UNC13C: variants seen among roughly 807,000 people sequenced by gnomAD.
UNC13C encodes the protein protein unc-13 homolog C.
A neutral mutation model predicts 245.4 loss-of-function variants in UNC13C; 174 were observed. The ratio of observed to expected loss-of-function variants is 0.71; its 90% CI spans 0.63 to 0.80. The LOEUF (loss-of-function observed/expected upper bound fraction) is 0.80. UNC13C is among the 30% of genes least tolerant of loss of function. UNC13C has a pLI of 0.00. For synonymous variants in UNC13C, 992 were observed against 895.1 expected, an observed-to-expected ratio of 1.11 and a Z score of -1.93; for missense variants, 2,829 against 2,602.9, an observed-to-expected ratio of 1.09 and a Z score of -1.89.
At chr15:53,840,682 G>A in the UNC13C span, among the ~76,000 whole-genome samples, 1 of 152,112 alleles carries the variant, frequency 6.6e-6, no homozygotes, top group Non-Finnish European at 1.5e-5. Flanking sequence ...AGCATCATGT[G>A]TCCCATTTTG....
chr15:54,545,335 C>T (rs1896436673), intron 26 of UNC13C, among the ~76,000 whole-genome samples: 2 of 152,062 alleles, frequency 1.3e-5, no homozygotes, highest in South Asian at 4.1e-4. Context: ...GACCTAAAAC[C>T]ATAACATCCC....
intron 31 of UNC13C, 49 bp downstream of exon 31, chr15:54,622,468 G>T (rs992157169): frequency 4.5e-6 from 6 of 1,347,744 alleles, no homozygotes; most frequent in Non-Finnish European, 6.4e-6. Context: ...AACTTCTGCA[G>T]CAGTACTGAT....
At chr15:54,024,695 G>C (rs978917289) in intron 2 of UNC13C, among the ~76,000 whole-genome samples, 4 of 152,034 alleles carry the variant, frequency 2.6e-5, no homozygotes, top group African/African-American at 9.7e-5. Flanking sequence ...GAGGCGGGCG[G>C]ATCACGAGGT....
At chr15:54,492,327 C>T (rs1421836659) in intron 19 of UNC13C, among the ~76,000 whole-genome samples, 1 of 151,920 alleles carries the variant, frequency 6.6e-6, no homozygotes, top group East Asian at 1.9e-4. Context: ...AAACAAAATA[C>T]AAATTATTAA....
At chr15:54,344,499 G>A (rs1428068375) in intron 17 of UNC13C, among the ~76,000 whole-genome samples, 3 of 152,120 alleles carry the variant, frequency 2.0e-5, no homozygotes, top group African/African-American at 7.2e-5. Flanking sequence ...TCAATGTAGG[G>A]AATGCTTGGG....
intron 30 of UNC13C, among the ~76,000 whole-genome samples, chr15:54,603,088 G>A (rs748128369): frequency 6.6e-6 from 1 of 152,196 alleles, no homozygotes; most frequent in African/African-American, 2.4e-5. Flanking sequence ...ACTCTTAGCT[G>A]TTTGTGGCAT....
At chr15:53,989,535 A>C (rs888223899) in intron 1 of UNC13C, among the ~76,000 whole-genome samples, 3 of 152,008 alleles carry the variant, frequency 2.0e-5, no homozygotes, top group Non-Finnish European at 4.4e-5. Flanking sequence ...TTCTTTGGCA[A>C]ATGTAGGATA....
At chr15:54,469,175 A>AT (rs998858053) in intron 19 of UNC13C, among the ~76,000 whole-genome samples, 1 of 151,334 alleles carries the variant, frequency 6.6e-6, no homozygotes, top group African/African-American at 2.4e-5. Context: ...CTTCTGTGTT[A>AT]TTTTTTATGT....
intron 4 of UNC13C, among the ~76,000 whole-genome samples, chr15:54,193,325 C>A (rs1340724204): frequency 6.6e-6 from 1 of 152,162 alleles, no homozygotes; most frequent in Non-Finnish European, 1.5e-5. Context: ...TGAATCCCTG[C>A]TCTAAAAAGC....
intron 8 of UNC13C, among the ~76,000 whole-genome samples, chr15:54,257,503 G>A (rs1276245386): frequency 1.3e-5 from 2 of 152,312 alleles, no homozygotes; most frequent in Admixed American, 6.5e-5. Flanking sequence ...GGTACAGGCA[G>A]AAGAGAAAAA....
At chr15:53,991,246 G>A (rs1045490509) in intron 1 of UNC13C, among the ~76,000 whole-genome samples, 3 of 151,996 alleles carry the variant, frequency 2.0e-5, no homozygotes, top group Non-Finnish European at 4.4e-5. Flanking sequence ...AATAGTAGAG[G>A]AGTCTATAAG....
intron 27 of UNC13C, 147 bp from the exon 28 acceptor site, chr15:54,549,488 C>T (rs1896637121): frequency 3.3e-6 from 2 of 614,870 alleles, no homozygotes; most frequent in Admixed American, 6.3e-5. Context: ...TTGACCCAAT[C>T]TTTATAATAG....
chr15:53,873,507 C>T, the UNC13C span, among the ~76,000 whole-genome samples: 1 of 152,176 alleles, frequency 6.6e-6, no homozygotes, highest in Non-Finnish European at 1.5e-5. Context: ...CACAGCCACA[C>T]TGCTTCTTCC....
intron 4 of UNC13C, among the ~76,000 whole-genome samples, chr15:54,190,147 T>A (rs992306520): frequency 1.3e-5 from 2 of 152,110 alleles, no homozygotes; most frequent in Non-Finnish European, 2.9e-5. Context: ...TACAAGTTGG[T>A]TAATACTCTT....
At chr15:54,343,127 C>T (rs528505715) in intron 17 of UNC13C, among the ~76,000 whole-genome samples, 1 of 151,828 alleles carries the variant, frequency 6.6e-6, no homozygotes, top group Admixed American at 6.6e-5. Flanking sequence ...CATGTAATTA[C>T]CCATGCATAA....
intron 8 of UNC13C, among the ~76,000 whole-genome samples, chr15:54,257,737 C>T (rs946583452): frequency 5.9e-5 from 9 of 152,124 alleles, no homozygotes; most frequent in East Asian, 1.9e-4. Context: ...TTGTTGTTTG[C>T]GAAAAATAAG....
At chr15:53,903,826 A>C in the UNC13C span, among the ~76,000 whole-genome samples, 1 of 35,980 alleles carries the variant, frequency 2.8e-5, no homozygotes, top group Non-Finnish European at 5.5e-5. Flanking sequence ...TGACTGAAAA[A>C]ATTTCTGACA....
intron 4 of UNC13C, among the ~76,000 whole-genome samples, chr15:54,167,364 T>C (rs1241047143): frequency 6.7e-6 from 1 of 150,066 alleles, no homozygotes; most frequent in African/African-American, 2.4e-5. Flanking sequence ...TAGCCGGGCG[T>C]GATGGTGGGC....
chr15:54,265,602 T>G, intron 10 of UNC13C, 106 bp downstream of exon 10: 1 of 846,758 alleles, frequency 1.2e-6, no homozygotes, highest in Non-Finnish European at 1.7e-6. Flanking sequence ...AATAATCTCT[T>G]ACCCAAAAGT....
Sources: allele counts gnomAD v4.1 joint callset (sites outside exome capture counted in the v4.1 genomes callset), GRCh38; gene constraint gnomAD v4.1.1; transcripts MANE v1.5; gene names NCBI Gene and HGNC (gene_info 2026-07-23, HGNC 2026-07-21).